The following FASTKD5 variants were observed in gnomAD, a reference collection of about 807,000 sequenced individuals.
The protein encoded by FASTKD5 is FAST kinase domains 5, also known as non-canonical pre-mRNAs endonuclease FASTKD5, mitochondrial.
FASTKD5 carries 30 observed loss-of-function variants against 44.0 expected under a neutral mutation model. The observed-to-expected ratio is 0.68, with a 90% CI of 0.51 to 0.93. The LOEUF is 0.93. FASTKD5 is among the 40% of genes least tolerant of loss of function. The probability of loss-of-function intolerance (pLI) is 0.00; values close to 1 mark genes in which losing one functional copy is unlikely to be tolerated. For missense variants in FASTKD5, 868 were observed against 908.2 expected (o/e 0.96, Z 0.57); for synonymous variants, 335 against 342.2 (o/e 0.98, Z 0.23).
At chr20:3,157,382 C>T (rs753419817) in intron 1 of FASTKD5, among the ~76,000 whole-genome samples, 1 of 152,198 alleles carries the variant, frequency 6.6e-6, no homozygotes, top group Non-Finnish European at 1.5e-5. Context: ...TAAAATTATT[C>T]AGTCTAGCAA....
rs536016696 is a variant in FASTKD5, at chr20:3,148,241, G to C, written c.830C>G (p.Ser277Cys). The change falls in exon 2 of 2, where the codon TCC becomes TGC. Residue 277 changes from serine (S) to cysteine (C), a missense_variant. Transcript: ENST00000380266. The stretch of plus-strand genomic sequence containing the variant: ...AATTAAGTGAACTAGCTGAGACAAG[G>C]ATAGATCCTTCCAGTGCAAATTAAG... Reference protein sequence around the residue: ...SYLNLHWKDLSLSQLVHLIYV... With the variant: ...SYLNLHWKDLCLSQLVHLIYV... 4.3e-6 allele frequency: 7 copies of C among 1,613,832 alleles called. No homozygotes were observed. In the Admixed American group the frequency reaches 1.2e-4, roughly 27 times the overall value.
At chr20:3,158,367 T>C (rs886912629) in intron 1 of FASTKD5, among the ~76,000 whole-genome samples, 1 of 152,146 alleles carries the variant, frequency 6.6e-6, no homozygotes, top group Non-Finnish European at 1.5e-5. Context: ...GGGAAGAAAA[T>C]CATACTGACT....
chr20:3,156,251 C>T (rs374147434), intron 1 of FASTKD5, among the ~76,000 whole-genome samples: 1 of 150,204 alleles, frequency 6.7e-6, no homozygotes, highest in African/African-American at 2.5e-5. Context: ...TCTCAGCTCA[C>T]TGCAACCTCT....
At chr20:3,152,091 A>G (rs1600418827) in intron 1 of FASTKD5, among the ~76,000 whole-genome samples, 2 of 118,420 alleles carry the variant, frequency 1.7e-5, no homozygotes, top group South Asian at 5.5e-4. Context: ...GGTGACAGAG[A>G]CTCTGTCTCA....
Position 3,148,090 on chromosome 20 carries a change from T to C in FASTKD5, c.981A>G (p.Lys327=), listed in dbSNP as rs2066587005. 1 of 1,614,110 alleles carries C rather than the reference T, an allele frequency of 6.2e-7. No homozygotes were observed. The highest frequency in any genetic ancestry group is 8.5e-7 in the Non-Finnish European group (1 of 1,180,018). Residue 327 remains lysine, a synonymous_variant, in exon 2 of 2, where the codon AAA becomes AAG. Coordinates refer to ENST00000380266, the MANE Select transcript of FASTKD5 (RefSeq NM_021826.5). ...CAAATTCAGAGAGATTAGTACTTGATTTAAAGAACCCCAAACAGATGGTAC... is the reference window on the plus strand; with the variant it reads ...CAAATTCAGAGAGATTAGTACTTGACTTAAAGAACCCCAAACAGATGGTAC... The part of the protein sequence containing the change: ...EVGTICLGFF[K]SSTNLSEFVM...
rs564471822 is a variant in FASTKD5 at position 3,146,601 on chromosome 20, A to G, written c.*175T>C. On this transcript the variant is annotated 3_prime_UTR_variant, in exon 2 of 2. Transcript: ENST00000380266. ...CATTTGCAGTAATTTGTACAATCCA[A>G]CTACATTACAATTCACAGTAACATA... 5.6e-4 allele frequency: 382 copies of G among 680,242 alleles called. 1 individual carries two copies. Among genetic ancestry groups the G allele is most frequent in the South Asian group, 4.1e-3 (206 of 50,704 alleles). 42.1% of individuals were successfully genotyped at this position (680,242 alleles called of 1,614,324 possible).
chr20:3,155,219 CCCTGT>C lies in FASTKD5; in HGVS notation c.-191+4542_-191+4546del, dbSNP rs2066672165. Among the ~76,000 whole-genome samples, 3 of 152,030 alleles carry C rather than the reference CCCTGT, an allele frequency of 2.0e-5. No individual in the cohort carries two copies. The South Asian group carries it at 6.2e-4, about 32-fold the overall frequency. On this transcript the variant is annotated intron_variant, in intron 1 of 1. Coordinates refer to ENST00000380266, the MANE Select transcript of FASTKD5 (RefSeq NM_021826.5). ...GACCAGCCTGGGTAACATGGTGAAA[CCCTGT>C]CTCTACTAAAAATACAAAAAGTAGG...
chr20:3,154,286 C>T (rs532166827), intron 1 of FASTKD5, among the ~76,000 whole-genome samples: 2 of 152,262 alleles, frequency 1.3e-5, no homozygotes, highest in East Asian at 3.9e-4. Context: ...ACCGGATAAT[C>T]CGGGCATGAA....
rs2066586746 is a variant in FASTKD5, at chr20:3,148,061, A to G, written c.1010T>C (p.Met337Thr). Reference sequence around the variant, plus strand: ...ACAAGCCAAGTCTCCAATTTTCCGCATGACAAATTCAGAGAGATTAGTACT... The same window carrying G: ...ACAAGCCAAGTCTCCAATTTTCCGCGTGACAAATTCAGAGAGATTAGTACT... ...KSSTNLSEFV[M>T]RKIGDLACAN... Residue 337 changes from methionine (M) to threonine (T), a missense_variant, in exon 2 of 2, where the codon ATG becomes ACG. Transcript: ENST00000380266. 6.2e-7 allele frequency: 1 copy of G among 1,614,204 alleles called. No homozygotes were observed. Among genetic ancestry groups the G allele is most frequent in the African/African-American group, 1.3e-5 (1 of 75,062 alleles).
chr20:3,156,179 T>C (rs1404595241), intron 1 of FASTKD5, among the ~76,000 whole-genome samples: 2 of 149,568 alleles, frequency 1.3e-5, no homozygotes, highest in African/African-American at 4.9e-5. Context: ...GACTCTTTTT[T>C]TTTTTTTTTT....
rs2148619955 is a variant in FASTKD5, at chr20:3,147,908, A to G, written c.1163T>C (p.Leu388Pro). ...GEIAPQRIPSLGVQGVMHLTL... is the reference protein window; with the variant it reads ...GEIAPQRIPSPGVQGVMHLTL... ...CAGGTGCATGACACCTTGAACTCCCAGGGAAGGAATTCGCTGAGGAGCTAT... is the reference window on the plus strand; with the variant it reads ...CAGGTGCATGACACCTTGAACTCCCGGGGAAGGAATTCGCTGAGGAGCTAT... The change falls in exon 2 of 2, where the codon CTG becomes CCG. Residue 388 changes from leucine (L) to proline (P), a missense_variant. Coordinates refer to ENST00000380266, the MANE Select transcript of FASTKD5 (RefSeq NM_021826.5). 3 of 1,614,240 alleles carry G rather than the reference A, an allele frequency of 1.9e-6. No homozygotes were observed. The highest frequency in any genetic ancestry group is 2.5e-6 in the Non-Finnish European group (3 of 1,180,034).
chr20:3,149,353 G>A lies in FASTKD5; in HGVS notation c.-190-93C>T, dbSNP rs1278017294. On this transcript the variant is annotated intron_variant, in intron 1 of 1. Transcript: ENST00000380266. This position sits in a 1 kb window ranked among gnomAD's most constrained non-coding sequence, Gnocchi z 4.1. The stretch of plus-strand genomic sequence containing the variant: ...AAAAACAGGTTGAAACTACACTGCT[G>A]TCTACTCAAATAAGTTCAATGCTAG... 7.4e-6 allele frequency: 3 copies of A among 407,152 alleles called. No individual in the cohort carries two copies. The highest frequency in any genetic ancestry group is 1.3e-5 in the Non-Finnish European group (3 of 227,472). The allele number at this position is 407,152 out of a possible 1,614,324, so 25.2% of individuals were successfully genotyped here.
chr20:3,149,835 A>T lies in FASTKD5; in HGVS notation c.-190-575T>A, dbSNP rs1295665962. Among the ~76,000 whole-genome samples, 2 of 152,040 alleles carry T rather than the reference A, an allele frequency of 1.3e-5. No homozygotes were observed. The highest frequency in any genetic ancestry group is 2.9e-5 in the Non-Finnish European group (2 of 67,990). ...GAGTTCAAGACCAGCCTGGCCAACA[A>T]GGCGAAATCCCGTCTCTATTAAAAA... is the stretch of plus-strand genomic sequence containing the variant. On this transcript the variant is annotated intron_variant, in intron 1 of 1. Coordinates refer to ENST00000380266, the MANE Select transcript of FASTKD5 (RefSeq NM_021826.5). The surrounding 1 kb of genome is among the most constrained non-coding windows in gnomAD (Gnocchi z 4.1).
Position 3,147,219 on chromosome 20 carries a change from G to A in FASTKD5, c.1852C>T (p.Leu618Phe). ...TPAENVAKLR[L>F]EHVGVSLTDD... ...GTAAGGCTGACTCCCACATGCTCAA[G>A]CCTTAATTTGGCTACATTTTCAGCC... The change falls in exon 2 of 2, where the codon CTT (leucine) becomes TTT (phenylalanine). Residue 618 changes from leucine (L) to phenylalanine (F), a missense_variant. Leu to Phe is a conservative substitution (Grantham distance 22). Coordinates refer to ENST00000380266, the MANE Select transcript of FASTKD5 (RefSeq NM_021826.5). The A allele has an allele frequency of 1.2e-6, 2 of 1,614,142 alleles. No homozygotes were observed. The highest frequency in any genetic ancestry group is 1.7e-6 in the Non-Finnish European group (2 of 1,180,036).
In FASTKD5 at chr20:3,148,910, T is replaced by C; in HGVS notation, c.161A>G (p.Lys54Arg). Residue 54 changes from lysine to arginine, a missense_variant, in exon 2 of 2, where the codon AAA becomes AGA. By Grantham distance (26) the Lys-to-Arg change is conservative. Coordinates refer to ENST00000380266, the MANE Select transcript of FASTKD5 (RefSeq NM_021826.5). ...PEHISLCHSA[K>R]KVKNICSTFS... ...GGTGCTACATATGTTCTTAACTTTT[T>C]TGGCAGAATGGCAGAGGCTAATGTG... 6.2e-7 allele frequency: 1 copy of C among 1,614,198 alleles called. No individual in the cohort carries two copies. The highest frequency in any genetic ancestry group is 1.3e-5 in the African/African-American group (1 of 75,036).
chr20:3,146,815 C>A lies in FASTKD5; in HGVS notation c.2256G>T (p.Leu752Phe). ...TGAATACTTTCTCATGAAGAAACGC[C>A]AACTTTTCTAAGCGAGTTCGTTTCA... ...PLLKRTRLEK[L>F]AFLHEKVFTS... Residue 752 changes from leucine to phenylalanine, a missense_variant, in exon 2 of 2, where the codon TTG becomes TTT. Physicochemically the swap from Leu to Phe is conservative, Grantham distance 22 (BLOSUM62 0). Transcript: ENST00000380266. 6.2e-7 allele frequency: 1 copy of A among 1,614,074 alleles called. No homozygotes were observed. The highest frequency in any genetic ancestry group is 8.5e-7 in the Non-Finnish European group (1 of 1,179,996).
chr20:3,155,088 GA>G (rs1202796689), intron 1 of FASTKD5, among the ~76,000 whole-genome samples: 2 of 148,244 alleles, frequency 1.3e-5, no homozygotes, highest in East Asian at 4.0e-4. Context: ...GAAAAGAAAA[GA>G]AAAAATAAAT....
chr20:3,147,900 G>C lies in FASTKD5; in HGVS notation c.1171C>G (p.Gln391Glu). ...TAAAGAGTCAGGTGCATGACACCTTGAACTCCCAGGGAAGGAATTCGCTGA... is the reference window on the plus strand; with the variant it reads ...TAAAGAGTCAGGTGCATGACACCTTCAACTCCCAGGGAAGGAATTCGCTGA... ...APQRIPSLGV[Q>E]GVMHLTLYCS... is the part of the protein sequence containing the mutation. The change falls in exon 2 of 2, where the codon CAA becomes GAA. Residue 391 changes from glutamine to glutamate, a missense_variant. By Grantham distance (29) the Gln-to-Glu change is conservative (BLOSUM62 2). Coordinates refer to ENST00000380266, the MANE Select transcript of FASTKD5 (RefSeq NM_021826.5). 1 of 1,614,206 alleles carries C rather than the reference G, an allele frequency of 6.2e-7. No homozygotes were observed. The highest frequency in any genetic ancestry group is 1.1e-5 in the South Asian group (1 of 91,072).
intron 1 of FASTKD5, among the ~76,000 whole-genome samples, chr20:3,154,801 G>A (rs11905147): frequency 0.094 from 14,320 of 151,998 alleles, 749 homozygotes; most frequent in Middle Eastern, 0.13. Context: ...CAAAAATTAT[G>A]AGCAAACTAT....
Sources: gnomAD v4.1 joint callset for allele counts (sites outside exome capture counted in the v4.1 genomes callset) on GRCh38, gnomAD v4.1.1 for gene constraint, Gnocchi (gnomAD v3.1) non-coding constraint, MANE v1.5 for transcripts, NCBI Gene and HGNC (gene_info 2026-07-23, HGNC 2026-07-21) for gene names.